Variants in NUP153 observed in about 807,000 individuals in gnomAD.
The protein encoded by NUP153 is nuclear pore complex protein Nup153.
In NUP153, 27 loss-of-function variants were observed where a neutral mutation model predicts 134.6. That is an observed-to-expected ratio of 0.20 (90% CI 0.15 to 0.28). The LOEUF is 0.28. Among genes scored for constraint, NUP153 ranks in the 10% least tolerant of loss-of-function variants. NUP153 has a pLI of 1.00. For missense variants in NUP153, 1,821 were observed against 1,731.3 expected, an observed-to-expected ratio of 1.05 and a Z score of -0.92; for synonymous variants, 640 against 623.5, an observed-to-expected ratio of 1.03 and a Z score of -0.40.
intron 11 of NUP153, 60 bp from the exon 12 acceptor site, chr6:17,649,360 T>C: frequency 6.7e-7 from 1 of 1,498,496 alleles, no homozygotes; most frequent in South Asian, 1.2e-5. Flanking sequence ...TTATCTCTAC[T>C]TATTTTCAGC....
In NUP153 at chr6:17,675,173, A is replaced by G. The variant is rs1424154836; in HGVS notation, c.723+56T>C. ...TGTCTCAGAAAAAAAAAAAAAAATT[A>G]TAAGCAATAAACACTCAAAACTAAT... On this transcript the variant is annotated intron_variant, in intron 4 of 21. Coordinates refer to ENST00000262077, the MANE Select transcript of NUP153 (RefSeq NM_005124.4). The surrounding 1 kb of genome is among the most constrained non-coding windows in gnomAD (Gnocchi z 4.4). 5 of 1,555,778 alleles carry G rather than the reference A, an allele frequency of 3.2e-6. No individual in the cohort carries two copies. In the Admixed American group the frequency reaches 8.1e-5, roughly 25 times the overall value.
In NUP153 at chr6:17,665,348, G is replaced by T; in HGVS notation, c.1106C>A (p.Thr369Asn). 6.2e-7 allele frequency: 1 copy of T among 1,613,472 alleles called. No homozygotes were observed. Among genetic ancestry groups the T allele is most frequent in the Admixed American group, 1.7e-5 (1 of 59,988 alleles). Residue 369 changes from threonine (T) to asparagine (N), a missense_variant, in exon 9 of 22, where the codon ACC (threonine) becomes AAC (asparagine). Thr to Asn is a moderately conservative substitution (Grantham distance 65). Coordinates refer to ENST00000262077, the MANE Select transcript of NUP153 (RefSeq NM_005124.4). Reference protein sequence around the residue: ...SQYPPVQRLMTPKPVSIATNR... With the variant: ...SQYPPVQRLMNPKPVSIATNR... Reference sequence around the variant, plus strand: ...TGTTGCTATGGAAACTGGCTTTGGGGTCATAAGTCTCTGAACAGGAGGATA... The same window carrying T: ...TGTTGCTATGGAAACTGGCTTTGGGTTCATAAGTCTCTGAACAGGAGGATA...
chr6:17,688,899 C>T (rs1215746012), intron 1 of NUP153, among the ~76,000 whole-genome samples: 3 of 152,112 alleles, frequency 2.0e-5, no homozygotes, highest in Non-Finnish European at 4.4e-5. Flanking sequence ...TACTCAATGT[C>T]GATTTTAGAT....
chr6:17,625,680 T>C lies in NUP153; in HGVS notation c.3901+128A>G. ...ATACAGTGAATAATTAAAACAACCC[T>C]GGTATAGATGACCAAAAGGCATTCC... On this transcript the variant is annotated intron_variant, in intron 19 of 21. Transcript: ENST00000262077. The surrounding 1 kb of genome is among the most constrained non-coding windows in gnomAD (Gnocchi z 4.7). 5.6e-6 allele frequency: 4 copies of C among 713,280 alleles called. No individual in the cohort carries two copies. The highest frequency in any genetic ancestry group is 9.8e-6 in the Non-Finnish European group (4 of 406,976). 44.2% of individuals were successfully genotyped at this position (713,280 alleles called of 1,614,324 possible).
At position 17,659,470 on chromosome 6, in the gene NUP153, G is replaced by A. The variant is rs1180090374; in HGVS notation, c.1395+2183C>T. ...CAAGGTAAGACAGCCCATTTCTTTT[G>A]TTTTTGTTTTGTTTTGTTTTTGAGA... On this transcript the variant is annotated intron_variant, in intron 11 of 21. Coordinates refer to ENST00000262077, the MANE Select transcript of NUP153 (RefSeq NM_005124.4). Among the ~76,000 whole-genome samples the A allele has an allele frequency of 1.3e-5, 2 of 151,842 alleles. 1 individual carries two copies. The highest frequency in any genetic ancestry group is 4.8e-5 in the African/African-American group (2 of 41,394).
intron 13 of NUP153, among the ~76,000 whole-genome samples, chr6:17,647,405 C>A (rs1766253856): frequency 6.6e-6 from 1 of 152,092 alleles, no homozygotes; most frequent in Non-Finnish European, 1.5e-5. Context: ...CTAGGACCAA[C>A]AGAAATAAAA....
intron 17 of NUP153, among the ~76,000 whole-genome samples, chr6:17,630,123 G>A (rs568818476): frequency 1.1e-4 from 16 of 152,214 alleles, no homozygotes; most frequent in African/African-American, 3.4e-4. Context: ...AATATATAGG[G>A]GTATGTATGT....
At chr6:17,651,458 T>C (rs1196364836) in intron 11 of NUP153, among the ~76,000 whole-genome samples, 1 of 152,042 alleles carries the variant, frequency 6.6e-6, no homozygotes, top group Non-Finnish European at 1.5e-5. Flanking sequence ...TATCAAAAAT[T>C]ATATTAACTA....
intron 7 of NUP153, 53 bp downstream of exon 7, chr6:17,669,240 G>A (rs775447912): frequency 1.9e-5 from 29 of 1,492,914 alleles, no homozygotes; most frequent in Middle Eastern, 2.1e-4. Flanking sequence ...CACCACACCC[G>A]GCTAATTTTT....
intron 11 of NUP153, among the ~76,000 whole-genome samples, chr6:17,660,512 G>C (rs980666627): frequency 6.6e-5 from 10 of 151,606 alleles, no homozygotes; most frequent in Admixed American, 2.0e-4. Flanking sequence ...AAACATTTAT[G>C]GTCAGAATAT....
intron 11 of NUP153, among the ~76,000 whole-genome samples, chr6:17,654,492 T>C (rs527620700): frequency 3.3e-5 from 5 of 152,280 alleles, no homozygotes; most frequent in African/African-American, 1.2e-4. Flanking sequence ...CAGCTAATTT[T>C]TGTATTTTTA....
At chr6:17,645,638 G>A (rs567539407) in intron 14 of NUP153, among the ~76,000 whole-genome samples, 27 of 152,092 alleles carry the variant, frequency 1.8e-4, no homozygotes, top group Admixed American at 1.6e-3. Flanking sequence ...CAGAAATTAT[G>A]TATCACAATC....
intron 5 of NUP153, among the ~76,000 whole-genome samples, chr6:17,674,494 T>C (rs970078775): frequency 6.6e-6 from 1 of 152,088 alleles, no homozygotes; most frequent in African/African-American, 2.4e-5. Flanking sequence ...ACTGGCCGGG[T>C]GCAGTGGCTC....
chr6:17,660,266 A>AT (rs1240103673), intron 11 of NUP153, among the ~76,000 whole-genome samples: 2 of 152,194 alleles, frequency 1.3e-5, no homozygotes, highest in Non-Finnish European at 2.9e-5. Flanking sequence ...AAAAGCTAAA[A>AT]ATATACTCCT....
At chr6:17,674,824 G>A in intron 5 of NUP153, 81 bp downstream of exon 5, 2 of 1,091,076 alleles carry the variant, frequency 1.8e-6, no homozygotes, top group East Asian at 5.4e-5. Context: ...CTATTTTTTT[G>A]AGCACAAAGT....
chr6:17,681,023 C>A (rs1318441626), intron 2 of NUP153, among the ~76,000 whole-genome samples: 2 of 152,082 alleles, frequency 1.3e-5, no homozygotes, highest in Non-Finnish European at 2.9e-5. Context: ...ACCTAAGTAT[C>A]CATCCACAAA....
At chr6:17,633,999 C>G (rs1237235104) in intron 16 of NUP153, among the ~76,000 whole-genome samples, 1 of 152,132 alleles carries the variant, frequency 6.6e-6, no homozygotes, top group Non-Finnish European at 1.5e-5. Flanking sequence ...GTTGGTGACT[C>G]CACTGTCTTA....
intron 5 of NUP153, 144 bp downstream of exon 5, chr6:17,674,761 A>G: frequency 3.0e-6 from 2 of 658,502 alleles, no homozygotes; most frequent in Non-Finnish European, 4.4e-6. Context: ...GACAGAGCCA[A>G]GACTCCATCT....
intron 17 of NUP153, among the ~76,000 whole-genome samples, chr6:17,631,005 A>G (rs1765224669): frequency 6.6e-6 from 1 of 152,210 alleles, no homozygotes; most frequent in South Asian, 2.1e-4. Context: ...CAGTATAAAA[A>G]GGGGAGCATG....
Sources: allele counts gnomAD v4.1 joint callset (sites outside exome capture counted in the v4.1 genomes callset), GRCh38; gene constraint gnomAD v4.1.1; non-coding constraint Gnocchi (gnomAD v3.1); transcripts MANE v1.5; gene names NCBI Gene and HGNC (gene_info 2026-07-23, HGNC 2026-07-21).